The following RBFOX1 variants were observed in gnomAD, a reference collection of about 807,000 sequenced individuals.
RBFOX1 encodes RNA binding fox-1 homolog 1, also known as RNA binding protein fox-1 homolog 1.
A neutral mutation model predicts 57.7 loss-of-function variants in RBFOX1; 8 were observed. The observed-to-expected ratio is 0.14, with a 90% CI of 0.08 to 0.25. The LOEUF (loss-of-function observed/expected upper bound fraction) is 0.25. RBFOX1 is among the 10% of genes least tolerant of loss of function. RBFOX1 has a pLI of 1.00. For missense variants in RBFOX1, 611 were observed against 548.5 expected (o/e 1.11, Z -1.14); for synonymous variants, 326 against 222.4 (o/e 1.47, Z -4.15).
intron 4 of RBFOX1, among the ~76,000 whole-genome samples, chr16:5,950,077 A>G (rs1480545403): frequency 6.6e-6 from 1 of 152,272 alleles, no homozygotes; most frequent in Non-Finnish European, 1.5e-5. Context: ...TTAATCACTT[A>G]TTTAAGGCAG....
rs997995848 is a variant in RBFOX1, at chr16:5,727,863, T to G, written c.318+128902T>G. On this transcript the variant is annotated intron_variant, in intron 3 of 19. Coordinates refer to the RBFOX1 transcript ENST00000641259. ...CCACCATGCCCACTAATATTTCAGG[T>G]TTTTTTTGTAGAGATAGAGTCTGTG... Among the ~76,000 whole-genome samples the G allele has an allele frequency of 2.6e-5, 4 of 152,050 alleles. No individual in the cohort carries two copies. The East Asian group carries it at 5.8e-4, about 22-fold the overall frequency.
At chr16:5,533,008 T>A (rs2044548963) in intron 2 of RBFOX1, among the ~76,000 whole-genome samples, 1 of 152,104 alleles carries the variant, frequency 6.6e-6, no homozygotes, top group Non-Finnish European at 1.5e-5. Flanking sequence ...CCCTCCTAAT[T>A]TTTAAAAGCA....
intron 3 of RBFOX1, among the ~76,000 whole-genome samples, chr16:6,845,158 C>G (rs1048903570): frequency 5.9e-5 from 9 of 152,130 alleles, no homozygotes; most frequent in Admixed American, 5.2e-4. Context: ...GTTTCTTTTT[C>G]TGCACAGAAG....
At chr16:5,758,658 A>G (rs1313139969) in intron 3 of RBFOX1, among the ~76,000 whole-genome samples, 1 of 152,228 alleles carries the variant, frequency 6.6e-6, no homozygotes, top group Non-Finnish European at 1.5e-5. Flanking sequence ...CTATGAGCAC[A>G]GTTCTGGTGA....
At chr16:6,616,648 C>G (rs899469710) in intron 2 of RBFOX1, among the ~76,000 whole-genome samples, 5 of 152,320 alleles carry the variant, frequency 3.3e-5, no homozygotes, top group African/African-American at 1.2e-4. Flanking sequence ...GCACTCCAGC[C>G]TGGGCGACAG....
intron 1 of RBFOX1, among the ~76,000 whole-genome samples, chr16:5,325,937 A>G (rs918609766): frequency 4.6e-5 from 7 of 152,218 alleles, no homozygotes; most frequent in African/African-American, 1.7e-4. Context: ...CTTAAGGGTA[A>G]ATACCTAGAA....
intron 4 of RBFOX1, among the ~76,000 whole-genome samples, chr16:7,479,318 T>TG (rs1412607245): frequency 2.0e-5 from 3 of 151,924 alleles, no homozygotes; most frequent in Non-Finnish European, 4.4e-5. Flanking sequence ...TTTGTAGAGA[T>TG]GGGGGTCTCA....
At chr16:7,706,769 A>G (rs1034257767) in intron 14 of RBFOX1, among the ~76,000 whole-genome samples, 5 of 152,192 alleles carry the variant, frequency 3.3e-5, no homozygotes, top group African/African-American at 9.6e-5. Context: ...GGACCAATCA[A>G]TCACAGACTT....
chr16:6,539,433 A>G (rs527610851), intron 2 of RBFOX1, among the ~76,000 whole-genome samples: 1 of 152,266 alleles, frequency 6.6e-6, no homozygotes, highest in African/African-American at 2.4e-5. Flanking sequence ...TATTATTATC[A>G]TGGTTACTTC....
chr16:7,002,095 G>A (rs984237873), intron 3 of RBFOX1, among the ~76,000 whole-genome samples: 12 of 144,056 alleles, frequency 8.3e-5, no homozygotes, highest in Admixed American at 6.3e-4. Flanking sequence ...AGACGCTATG[G>A]AGAAATTTTT....
chr16:5,244,717 G>A (rs980845956), intron 1 of RBFOX1, among the ~76,000 whole-genome samples: 1 of 152,252 alleles, frequency 6.6e-6, no homozygotes, highest in South Asian at 2.1e-4. Flanking sequence ...CAGTGCGTAA[G>A]TGGGAAATTT....
chr16:6,019,586 G>A lies in RBFOX1; in HGVS notation c.-533G>A. Reference sequence around the variant, plus strand: ...TGGCTGGACCCACGCGCGCGCCTCCGGGGCTGAAGAAGGAAGGAGTGAGCC... The same window carrying A: ...TGGCTGGACCCACGCGCGCGCCTCCAGGGCTGAAGAAGGAAGGAGTGAGCC... On this transcript the variant is annotated 5_prime_UTR_variant, in exon 1 of 16. Transcript: ENST00000550418. This position sits in a 1 kb window ranked among gnomAD's most constrained non-coding sequence, Gnocchi z 4.2. 1.1e-5 allele frequency: 13 copies of A among 1,190,064 alleles called. No homozygotes were observed. Among genetic ancestry groups the A allele is most frequent in the Non-Finnish European group, 1.4e-5 (13 of 960,748 alleles). The allele number at this position is 1,190,064 out of a possible 1,614,324, so 73.7% of individuals were successfully genotyped here.
At chr16:6,729,238 C>G (rs1158420488) in intron 3 of RBFOX1, among the ~76,000 whole-genome samples, 1 of 152,132 alleles carries the variant, frequency 6.6e-6, no homozygotes, top group Non-Finnish European at 1.5e-5. Context: ...GGTCACCAGA[C>G]CCCAGGGATT....
At chr16:7,121,368 G>A (rs1348258310) in intron 4 of RBFOX1, among the ~76,000 whole-genome samples, 3 of 151,848 alleles carry the variant, frequency 2.0e-5, no homozygotes, top group Non-Finnish European at 4.4e-5. Context: ...AAAATCCCAA[G>A]GAACTCTAAA....
intron 7 of RBFOX1, among the ~76,000 whole-genome samples, chr16:7,588,901 T>C (rs1417832294): frequency 1.3e-5 from 2 of 152,188 alleles, no homozygotes; most frequent in Non-Finnish European, 2.9e-5. Context: ...GCCAGAGTGA[T>C]GTTGTAATCT....
intron 2 of RBFOX1, among the ~76,000 whole-genome samples, chr16:6,460,717 A>G (rs2094897383): frequency 6.6e-6 from 1 of 151,950 alleles, no homozygotes; most frequent in Non-Finnish European, 1.5e-5. Flanking sequence ...AACCAAAAAT[A>G]CCATTTGCTG....
chr16:5,923,543 T>TC (rs2058876262), intron 4 of RBFOX1, among the ~76,000 whole-genome samples: 1 of 125,812 alleles, frequency 7.9e-6, no homozygotes. Context: ...TTTTTTTTTT[T>TC]TTTTTTTCTT....
rs910711940 is a variant in RBFOX1, at chr16:7,387,135, G to C, written c.28-131012G>C. ...GATTCTGGATATTAGCCCTTTGTCA[G>C]ATGAATAGATGGTAAAAATTTTGTC... On this transcript the variant is annotated intron_variant, in intron 4 of 15. Transcript: ENST00000550418. Among the ~76,000 whole-genome samples the C allele has an allele frequency of 1.9e-4, 29 of 152,124 alleles. 1 individual carries two copies. Among genetic ancestry groups the C allele is most frequent in the Admixed American group, 1.6e-3 (24 of 15,278 alleles).
intron 1 of RBFOX1, among the ~76,000 whole-genome samples, chr16:6,074,298 A>C (rs2095870869): frequency 2.6e-5 from 4 of 152,040 alleles, no homozygotes; most frequent in Non-Finnish European, 4.4e-5. Context: ...AGCTGTACAG[A>C]CTTTTTGTAT....
Sources: gnomAD v4.1 joint callset for allele counts (sites outside exome capture counted in the v4.1 genomes callset) on GRCh38, gnomAD v4.1.1 for gene constraint, Gnocchi (gnomAD v3.1) non-coding constraint, MANE v1.5 for transcripts, NCBI Gene and HGNC (gene_info 2026-07-23, HGNC 2026-07-21) for gene names.